The following SLC25A21 variants were observed in gnomAD, a reference collection of about 807,000 sequenced individuals.
SLC25A21 encodes the protein solute carrier family 25 member 21, also known as mitochondrial 2-oxodicarboxylate carrier.
Under a neutral mutation model 43.8 loss-of-function variants are expected in SLC25A21, and 47 were observed. The ratio of observed to expected loss-of-function variants is 1.07; its 90% CI spans 0.85 to 1.37. SLC25A21 has a LOEUF of 1.37. Among genes scored for constraint, SLC25A21 ranks in the 40% most tolerant of loss-of-function variants. The pLI is 0.00. For synonymous variants in SLC25A21, 131 were observed against 121.3 expected, an observed-to-expected ratio of 1.08 and a Z score of -0.52; for missense variants, 352 against 350.2, an observed-to-expected ratio of 1.00 and a Z score of -0.04.
chr14:36,810,432 T>C (rs776639037), intron 3 of SLC25A21, among the ~76,000 whole-genome samples: 40 of 152,174 alleles, frequency 2.6e-4, no homozygotes, highest in Admixed American at 7.2e-4. Flanking sequence ...AGGAAAGGGA[T>C]ACTTTCATTG....
chr14:36,804,224 C>A (rs1368003868), intron 3 of SLC25A21, among the ~76,000 whole-genome samples: 2 of 152,210 alleles, frequency 1.3e-5, no homozygotes, highest in Non-Finnish European at 2.9e-5. Flanking sequence ...CCATCCCTTT[C>A]CTTCTTCCCT....
intron 1 of SLC25A21, among the ~76,000 whole-genome samples, chr14:37,078,634 C>A (rs1380620901): frequency 6.6e-6 from 1 of 152,058 alleles, no homozygotes; most frequent in Admixed American, 6.5e-5. Context: ...AAATCAGATG[C>A]AAGACAGAAT....
At chr14:37,015,094 GGTTA>G (rs1013595650) in intron 1 of SLC25A21, among the ~76,000 whole-genome samples, 8 of 152,038 alleles carry the variant, frequency 5.3e-5, no homozygotes, top group Non-Finnish European at 1.0e-4. Context: ...ACAACGTGCA[GGTTA>G]GTTACATATG....
chr14:36,838,218 G>A (rs1021374288), intron 2 of SLC25A21, among the ~76,000 whole-genome samples: 3 of 152,162 alleles, frequency 2.0e-5, no homozygotes, highest in Admixed American at 6.5e-5. Flanking sequence ...GTGAGGATAC[G>A]GGCTTGCTGA....
At chr14:36,736,761 A>T (rs1885058177) in intron 3 of SLC25A21, among the ~76,000 whole-genome samples, 1 of 152,230 alleles carries the variant, frequency 6.6e-6, no homozygotes, top group Non-Finnish European at 1.5e-5. Context: ...GAGAAGAATG[A>T]TCTTAGGGAG....
intron 2 of SLC25A21, among the ~76,000 whole-genome samples, chr14:36,865,236 A>C (rs967364964): frequency 1.8e-4 from 28 of 151,914 alleles, no homozygotes; most frequent in Non-Finnish European, 4.0e-4. Flanking sequence ...GGCTCCCCAC[A>C]AAGCAGCCTC....
At chr14:36,705,805 G>A (rs1566517867) in intron 7 of SLC25A21, among the ~76,000 whole-genome samples, 1 of 152,144 alleles carries the variant, frequency 6.6e-6, no homozygotes, top group African/African-American at 2.4e-5. Flanking sequence ...TGGAACAACA[G>A]AATGACCAAT....
intron 6 of SLC25A21, among the ~76,000 whole-genome samples, chr14:36,718,241 G>C (rs1884228876): frequency 6.6e-6 from 1 of 152,178 alleles, no homozygotes; most frequent in Non-Finnish European, 1.5e-5. Context: ...ATAATAGAGA[G>C]ACAACTTGGC....
chr14:36,693,631 A>C (rs1355802796), intron 7 of SLC25A21, among the ~76,000 whole-genome samples: 1 of 151,830 alleles, frequency 6.6e-6, no homozygotes, highest in Non-Finnish European at 1.5e-5. Flanking sequence ...CTAGTTTTTT[A>C]TTTTTATTTA....
intron 2 of SLC25A21, among the ~76,000 whole-genome samples, chr14:36,856,831 C>A (rs1041232405): frequency 6.6e-6 from 1 of 152,150 alleles, no homozygotes; most frequent in Non-Finnish European, 1.5e-5. Context: ...ACATAGAAAA[C>A]ATGCAGTCAG....
In SLC25A21 at chr14:37,019,664, A is replaced by T. The variant is rs55893331; in HGVS notation, c.71-144660T>A. On this transcript the variant is annotated intron_variant, in intron 1 of 9. Coordinates refer to ENST00000331299, the MANE Select transcript of SLC25A21 (RefSeq NM_030631.4). ...AGGAGACAACTGGTAAAAAAAAATT[A>T]AAAAAGTGTGTAAGAGGATGTCAAA... Among the ~76,000 whole-genome samples the T allele has an allele frequency of 5.9e-3, 896 of 151,932 alleles. 7 individuals are homozygous for T. The highest frequency in any genetic ancestry group is 8.4e-3 in the Non-Finnish European group (572 of 67,876).
chr14:37,019,841 C>G (rs1960945798), intron 1 of SLC25A21, among the ~76,000 whole-genome samples: 1 of 150,916 alleles, frequency 6.6e-6, no homozygotes, highest in East Asian at 1.9e-4. Flanking sequence ...CACTGGGGAG[C>G]CACAGCAAGT....
intron 1 of SLC25A21, among the ~76,000 whole-genome samples, chr14:36,909,089 C>A (rs1021338682): frequency 7.2e-5 from 11 of 151,828 alleles, no homozygotes; most frequent in Admixed American, 7.2e-4. Context: ...GAGAAGGATG[C>A]ATTGGAAGAA....
intron 3 of SLC25A21, among the ~76,000 whole-genome samples, chr14:36,811,619 T>A (rs745967185): frequency 1.3e-5 from 2 of 152,052 alleles, no homozygotes; most frequent in Non-Finnish European, 2.9e-5. Context: ...GCCATTGCAC[T>A]CCAGCCTGCG....
Position 36,886,581 on chromosome 14 carries a change from C to A in SLC25A21, c.71-11577G>T, listed in dbSNP as rs1890919608. Among the ~76,000 whole-genome samples, 3 of 152,108 alleles carry A rather than the reference C, an allele frequency of 2.0e-5. No individual in the cohort carries two copies. In the South Asian group the frequency reaches 6.2e-4, roughly 32 times the overall value. ...GGAAATATATTTCAGAGGTATAAAC[C>A]ATATGCACACATTATGGTCTAGAAA... On this transcript the variant is annotated intron_variant, in intron 1 of 9. Transcript: ENST00000331299.
intron 1 of SLC25A21, among the ~76,000 whole-genome samples, chr14:36,955,539 T>G (rs1360909520): frequency 4.6e-5 from 7 of 151,880 alleles, no homozygotes; most frequent in African/African-American, 1.7e-4. Flanking sequence ...ATTTTCTGAT[T>G]TTTTTTTAGC....
intron 3 of SLC25A21, among the ~76,000 whole-genome samples, chr14:36,796,533 C>G (rs1053228449): frequency 4.5e-4 from 68 of 151,968 alleles, no homozygotes; most frequent in African/African-American, 1.6e-3. Context: ...TCCATCAGAT[C>G]CCAGGGACAC....
intron 1 of SLC25A21, among the ~76,000 whole-genome samples, chr14:37,060,071 T>C (rs1961911605): frequency 6.6e-6 from 1 of 151,918 alleles, no homozygotes; most frequent in Non-Finnish European, 1.5e-5. Context: ...CATGTTAAAA[T>C]CCTAGCCCCT....
intron 1 of SLC25A21, among the ~76,000 whole-genome samples, chr14:37,039,392 T>G (rs1332311582): frequency 6.6e-6 from 1 of 152,178 alleles, no homozygotes; most frequent in African/African-American, 2.4e-5. Context: ...ACCCCCAAAA[T>G]GTATTCATTC....
Sources: allele counts gnomAD v4.1 joint callset (sites outside exome capture counted in the v4.1 genomes callset), GRCh38; gene constraint gnomAD v4.1.1; transcripts MANE v1.5; gene names NCBI Gene and HGNC (gene_info 2026-07-23, HGNC 2026-07-21).